Variants in DEPDC7 observed in about 807,000 individuals in gnomAD.
DEPDC7 encodes the protein DEP domain containing 7.
A neutral mutation model predicts 56.6 loss-of-function variants in DEPDC7; 41 were observed. That is an observed-to-expected ratio of 0.72 (90% CI 0.56 to 0.94). DEPDC7 has a LOEUF of 0.94. Among genes scored for constraint, DEPDC7 ranks in the 40% least tolerant of loss-of-function variants. The pLI, the probability that DEPDC7 is intolerant of heterozygous loss-of-function variation, is 0.00. For synonymous variants in DEPDC7, 185 were observed against 208.8 expected, an observed-to-expected ratio of 0.89 and a Z score of 0.98; for missense variants, 522 against 596.3, an observed-to-expected ratio of 0.88 and a Z score of 1.30.
At chr11:33,028,414 C>G (rs963129710) in intron 3 of DEPDC7, 189 bp from the exon 4 acceptor site, 2 of 465,326 alleles carry the variant, frequency 4.3e-6, no homozygotes, top group African/African-American at 4.0e-5. Flanking sequence ...TTGTCCAAAG[C>G]CTATTCTCCT....
intron 3 of DEPDC7, chr11:33,028,302 A>C (rs986486333): frequency 3.5e-5 from 9 of 258,362 alleles, no homozygotes; most frequent in Non-Finnish European, 5.8e-5. Flanking sequence ...AGCTTGAATG[A>C]ATCATTCTTT....
At chr11:33,022,228 T>G (rs2133659741) in intron 1 of DEPDC7, among the ~76,000 whole-genome samples, 1 of 152,350 alleles carries the variant, frequency 6.6e-6, no homozygotes, top group South Asian at 2.1e-4. Context: ...TGCCTTATTT[T>G]ATGAGTAGTG....
rs1417322352 is a variant in DEPDC7, at chr11:33,027,673, A to G, written c.465-13A>G. The G allele has an allele frequency of 2.0e-6, 3 of 1,481,648 alleles. No homozygotes were observed. The highest frequency in any genetic ancestry group is 1.8e-4 in the Middle Eastern group (1 of 5,568). The allele number at this position is 1,481,648 out of a possible 1,614,324, so 91.8% of individuals were successfully genotyped here. ...CTTAGTAAATGTTCATTTCTGAAAT[A>G]AATTCATTTTAGGTATGCAGATGCA... is the stretch of plus-strand genomic sequence containing the variant. On this transcript the variant is annotated splice_polypyrimidine_tract_variant and intron_variant, in intron 2 of 8. Transcript: ENST00000241051.
chr11:33,021,033 G>A (rs1043502839), intron 1 of DEPDC7, among the ~76,000 whole-genome samples: 1 of 152,036 alleles, frequency 6.6e-6, no homozygotes, highest in Non-Finnish European at 1.5e-5. Context: ...TGGATCACGA[G>A]GTCAGGAGTT....
intron 3 of DEPDC7, 76 bp downstream of exon 3, chr11:33,027,889 TTATTAGATTTTA>T: frequency 1.5e-6 from 2 of 1,364,742 alleles, no homozygotes; most frequent in Non-Finnish European, 1.9e-6. Context: ...ATCTTAATCT[TTATTAGATTTTA>T]AATATTCAAA....
At chr11:33,031,248 G>A (rs1343782750) in intron 4 of DEPDC7, 130 bp from the exon 5 acceptor site, 2 of 652,750 alleles carry the variant, frequency 3.1e-6, no homozygotes, top group Admixed American at 2.8e-5. Context: ...TATCTTTTAA[G>A]CTCATGTAGA....
chr11:33,025,175 C>A (rs977379537), intron 1 of DEPDC7, among the ~76,000 whole-genome samples: 10 of 152,150 alleles, frequency 6.6e-5, no homozygotes, highest in African/African-American at 2.4e-4. Flanking sequence ...GGACCTCCCT[C>A]CTATCCTACC....
At chr11:33,032,256 C>A in intron 5 of DEPDC7, 80 bp from the exon 6 acceptor site, 1 of 1,321,978 alleles carries the variant, frequency 7.6e-7, no homozygotes, top group Non-Finnish European at 1.0e-6. Flanking sequence ...CTTTTTAACT[C>A]AAACTGTAAC....
At chr11:33,016,681 A>T (rs1482359390) in intron 1 of DEPDC7, 1 of 1,252,852 alleles carries the variant, frequency 8.0e-7, no homozygotes, top group Non-Finnish European at 1.2e-6. Context: ...AAGTTGGCAA[A>T]TTCTGCCACG....
chr11:33,027,881 C>T, intron 3 of DEPDC7, 68 bp downstream of exon 3: 1 of 1,408,412 alleles, frequency 7.1e-7, no homozygotes, highest in Non-Finnish European at 9.4e-7. Flanking sequence ...ATTTTTTAAT[C>T]TTAATCTTTA....
chr11:33,025,186 A>G (rs1853564942), intron 1 of DEPDC7, among the ~76,000 whole-genome samples: 1 of 152,092 alleles, frequency 6.6e-6, no homozygotes, highest in Non-Finnish European at 1.5e-5. Flanking sequence ...CTATCCTACC[A>G]GAGCACACTC....
Position 33,025,728 on chromosome 11 carries a change from C to A in DEPDC7, c.143C>A (p.Thr48Lys), listed in dbSNP as rs756375437. 6.2e-7 allele frequency: 1 copy of A among 1,614,158 alleles called. No individual in the cohort carries two copies. Among genetic ancestry groups the A allele is most frequent in the Non-Finnish European group, 8.5e-7 (1 of 1,180,022 alleles). The part of the protein sequence containing the change: ...VWSSIINTLQ[T>K]QVEVKKRRHR... ...AGCAGCATCATAAACACTCTTCAAA[C>A]ACAAGTGGAAGTGAAAAAACGAAGG... is the stretch of plus-strand genomic sequence containing the variant. The change falls in exon 2 of 9, where the codon ACA (threonine) becomes AAA (lysine). Residue 48 changes from threonine to lysine, a missense_variant. Physicochemically the swap from Thr to Lys is moderately conservative, Grantham distance 78 (BLOSUM62 -1). Coordinates refer to ENST00000241051, the MANE Select transcript of DEPDC7 (RefSeq NM_001077242.2).
chr11:33,016,095 C>A (rs1853455325), intron 1 of DEPDC7, 67 bp downstream of exon 1: 1 of 1,292,666 alleles, frequency 7.7e-7, no homozygotes, highest in Non-Finnish European at 9.8e-7. Flanking sequence ...TGGGTCCCGG[C>A]GCGGGGCGGG....
Position 33,023,061 on chromosome 11 carries a change from T to TA in DEPDC7, c.74-2589dup, listed in dbSNP as rs905188946. Among the ~76,000 whole-genome samples the TA allele has an allele frequency of 6.3e-4, 94 of 150,332 alleles. 2 individuals carry two copies. Among genetic ancestry groups the TA allele is most frequent in the East Asian group, 3.7e-3 (19 of 5,158 alleles). On this transcript the variant is annotated intron_variant, in intron 1 of 8. Transcript: ENST00000241051. ...TAACACGATGAAACCCTGTCTCTAC[T>TA]AAAAAAAAATACAAAAAATTAGCCG...
intron 4 of DEPDC7, among the ~76,000 whole-genome samples, chr11:33,030,223 G>A (rs989745471): frequency 7.2e-5 from 11 of 152,176 alleles, no homozygotes; most frequent in Non-Finnish European, 1.6e-4. Context: ...CTCCCAAAGT[G>A]CTGGGATTAC....
intron 4 of DEPDC7, among the ~76,000 whole-genome samples, chr11:33,030,541 C>A (rs1335922037): frequency 3.3e-5 from 5 of 152,078 alleles, no homozygotes; most frequent in African/African-American, 9.7e-5. Flanking sequence ...TCTGAAGTTA[C>A]CCAGCAGGAT....
chr11:33,019,390 G>T (rs1484999620), intron 1 of DEPDC7, among the ~76,000 whole-genome samples: 2 of 152,140 alleles, frequency 1.3e-5, no homozygotes, highest in Non-Finnish European at 2.9e-5. Context: ...TATGAACGGG[G>T]TGTAGTGGCT....
intron 1 of DEPDC7, among the ~76,000 whole-genome samples, chr11:33,020,711 C>T (rs12365424): frequency 0.15 from 23,538 of 152,110 alleles, 1,961 homozygotes; most frequent in East Asian, 0.3. Flanking sequence ...GATCCTAGCC[C>T]ACTGTAACCT....
rs952027342 is a variant in DEPDC7 at position 33,031,398 on chromosome 11, C to T, written c.803C>T (p.Ala268Val). ...TATAGGGAAGATGAGTGGCTCTCGG[C>T]AGCAATTGACTGTTTAGAATACCTT... ...SDSQEDEWLS[A>V]AIDCLEYLPD... Residue 268 changes from alanine to valine, a missense_variant, in exon 5 of 9, where the codon GCA becomes GTA. Coordinates refer to ENST00000241051, the MANE Select transcript of DEPDC7 (RefSeq NM_001077242.2). 1.9e-6 allele frequency: 3 copies of T among 1,613,982 alleles called. No homozygotes were observed. Among genetic ancestry groups the T allele is most frequent in the Non-Finnish European group, 2.5e-6 (3 of 1,179,982 alleles).
Sources: gnomAD v4.1 joint callset for allele counts (sites outside exome capture counted in the v4.1 genomes callset) on GRCh38, gnomAD v4.1.1 for gene constraint, MANE v1.5 for transcripts, NCBI Gene and HGNC (gene_info 2026-07-23, HGNC 2026-07-21) for gene names.